The following FSTL5 variants were observed in gnomAD, a reference collection of about 807,000 sequenced individuals.
FSTL5 encodes follistatin-related protein 5.
Under a neutral mutation model 89.1 loss-of-function variants are expected in FSTL5, and 62 were observed. The observed-to-expected ratio is 0.70, with a 90% confidence interval of 0.57 to 0.86. The LOEUF is 0.86. Among genes scored for constraint, FSTL5 ranks in the 40% least tolerant of loss-of-function variants. FSTL5 has a pLI of 0.00. For missense variants in FSTL5, 1,057 were observed against 1,001.6 expected (o/e 1.06, Z -0.75); for synonymous variants, 383 against 346.2 (o/e 1.11, Z -1.18).
chr4:162,080,021 T>C lies in FSTL5; in HGVS notation c.126+31250A>G, dbSNP rs536680767. On this transcript the variant is annotated intron_variant, in intron 2 of 15. Coordinates refer to ENST00000306100, the MANE Select transcript of FSTL5 (RefSeq NM_020116.5). Reference sequence around the variant, plus strand: ...GGTACTACAAATTTTTCCAAAATAATATGATACCAACTTCAATCAGGAAAA... The same window carrying C: ...GGTACTACAAATTTTTCCAAAATAACATGATACCAACTTCAATCAGGAAAA... Among the ~76,000 whole-genome samples the C allele has an allele frequency of 3.3e-5, 5 of 151,598 alleles. No homozygotes were observed. The South Asian group carries it at 1.0e-3, about 31-fold the overall frequency.
rs115864630 is a variant in FSTL5 at position 161,622,343 on chromosome 4, A to T, written c.894+33985T>A. On this transcript the variant is annotated intron_variant, in intron 7 of 15. Transcript: ENST00000306100. ...ACCAATGTTACACAACTTTTTTTGT[A>T]AAACAGAGGAAGAAGGGCTACCTCT... is the stretch of plus-strand genomic sequence containing the variant. 6.2e-3 allele frequency among the ~76,000 whole-genome samples: 942 copies of T among 152,218 alleles called. 10 individuals are homozygous for T. The highest frequency in any genetic ancestry group is 0.022 in the African/African-American group (898 of 41,564).
chr4:161,551,189 C>A (rs1296445141), intron 8 of FSTL5, among the ~76,000 whole-genome samples: 2 of 149,796 alleles, frequency 1.3e-5, no homozygotes, highest in Non-Finnish European at 3.0e-5. Flanking sequence ...AACTAGTTTA[C>A]AGTCCCACCA....
chr4:161,961,921 T>G (rs1235929486), intron 3 of FSTL5, among the ~76,000 whole-genome samples: 2 of 151,762 alleles, frequency 1.3e-5, no homozygotes. Context: ...ATGTGTTTTA[T>G]GAACTCAAAT....
intron 6 of FSTL5, among the ~76,000 whole-genome samples, chr4:161,686,215 T>C (rs61381755): frequency 0.34 from 49,956 of 146,996 alleles, 10,683 homozygotes; most frequent in East Asian, 0.67. Flanking sequence ...TGTAGTTTTC[T>C]TTTTTGGTTA....
chr4:161,620,237 C>T (rs1254219374), intron 7 of FSTL5, among the ~76,000 whole-genome samples: 2 of 150,792 alleles, frequency 1.3e-5, no homozygotes, highest in Admixed American at 6.6e-5. Context: ...ATACCTAATG[C>T]TAAATGACGA....
intron 9 of FSTL5, among the ~76,000 whole-genome samples, chr4:161,539,921 A>T (rs1286932593): frequency 1.4e-4 from 16 of 111,900 alleles, no homozygotes; most frequent in African/African-American, 4.8e-4. Context: ...TTTTTTTTTC[A>T]GGATCCACAC....
chr4:161,797,089 CT>C (rs768117456), intron 4 of FSTL5, among the ~76,000 whole-genome samples: 6 of 151,488 alleles, frequency 4.0e-5, no homozygotes, highest in Non-Finnish European at 5.9e-5. Context: ...GTTAATTCAC[CT>C]TTAGAATAAT....
chr4:161,421,058 G>T (rs1731972915), intron 15 of FSTL5, among the ~76,000 whole-genome samples: 1 of 152,012 alleles, frequency 6.6e-6, no homozygotes, highest in African/African-American at 2.4e-5. Flanking sequence ...GTACTCAGTA[G>T]AGGCTGGGCA....
At chr4:161,589,541 C>G (rs1733734462) in intron 7 of FSTL5, among the ~76,000 whole-genome samples, 1 of 152,088 alleles carries the variant, frequency 6.6e-6, no homozygotes, top group South Asian at 2.1e-4. Context: ...TGATCTCAAA[C>G]TCCTGGCCTC....
chr4:161,416,440 TTAAA>T (rs1440445156), intron 15 of FSTL5, among the ~76,000 whole-genome samples: 1 of 152,238 alleles, frequency 6.6e-6, no homozygotes, highest in Non-Finnish European at 1.5e-5. Context: ...CTATTTTATT[TTAAA>T]TATGAATAAA....
At chr4:162,027,915 A>G (rs1737361458) in intron 3 of FSTL5, among the ~76,000 whole-genome samples, 1 of 152,174 alleles carries the variant, frequency 6.6e-6, no homozygotes, top group Non-Finnish European at 1.5e-5. Flanking sequence ...ATCCGAGAAA[A>G]TAGAATTGTT....
intron 4 of FSTL5, among the ~76,000 whole-genome samples, chr4:161,908,317 G>T (rs1000819144): frequency 2.6e-5 from 4 of 151,730 alleles, no homozygotes; most frequent in African/African-American, 9.7e-5. Flanking sequence ...AATCATATTT[G>T]TTCATACATA....
intron 4 of FSTL5, among the ~76,000 whole-genome samples, chr4:161,902,811 T>C (rs142403096): frequency 6.6e-6 from 1 of 152,158 alleles, no homozygotes; most frequent in Non-Finnish European, 1.5e-5. Flanking sequence ...ATCGCGCCAC[T>C]GCACTCCAGC....
At chr4:161,586,546 C>T (rs1254500467) in intron 8 of FSTL5, among the ~76,000 whole-genome samples, 1 of 152,134 alleles carries the variant, frequency 6.6e-6, no homozygotes, top group African/African-American at 2.4e-5. Flanking sequence ...TTTATAACTC[C>T]ACCATTAAGA....
At chr4:162,122,370 TGC>T (rs139484858) in intron 1 of FSTL5, among the ~76,000 whole-genome samples, 21,193 of 151,996 alleles carry the variant, frequency 0.14, 2,038 homozygotes, top group Non-Finnish European at 0.19. Flanking sequence ...TTAAATTGTT[TGC>T]TTGGAGGTCA....
intron 2 of FSTL5, among the ~76,000 whole-genome samples, chr4:162,051,037 C>G (rs1242136692): frequency 6.6e-6 from 1 of 151,288 alleles, no homozygotes; most frequent in Non-Finnish European, 1.5e-5. Context: ...AAAATATGGT[C>G]TAGTAATGTA....
chr4:161,798,815 T>A (rs1175739375), intron 4 of FSTL5, among the ~76,000 whole-genome samples: 1 of 151,770 alleles, frequency 6.6e-6, no homozygotes, highest in African/African-American at 2.4e-5. Flanking sequence ...GCAAAGTGTT[T>A]TGTTTTAATA....
intron 15 of FSTL5, among the ~76,000 whole-genome samples, chr4:161,450,742 T>A (rs1169195892): frequency 1.1e-5 from 1 of 92,708 alleles, no homozygotes; most frequent in Non-Finnish European, 2.3e-5. Flanking sequence ...TTCATCTTCA[T>A]TTTTTTTTTT....
intron 6 of FSTL5, among the ~76,000 whole-genome samples, chr4:161,682,896 A>ACG (rs1560787476): frequency 3.3e-5 from 5 of 151,514 alleles, no homozygotes; most frequent in Non-Finnish European, 7.4e-5. Flanking sequence ...ACAGGCATGC[A>ACG]CCACCACACC....
Sources: allele counts gnomAD v4.1 joint callset (sites outside exome capture counted in the v4.1 genomes callset), GRCh38; gene constraint gnomAD v4.1.1; transcripts MANE v1.5; gene names NCBI Gene and HGNC (gene_info 2026-07-23, HGNC 2026-07-21).